CA12: variants seen among roughly 807,000 people sequenced by gnomAD.
CA12 encodes carbonic anhydrase 12, also known as carbonate dehydratase XII.
Under a neutral mutation model 46.8 loss-of-function variants are expected in CA12, and 36 were observed. The observed-to-expected ratio is 0.77, with a 90% confidence interval of 0.59 to 1.02. The LOEUF (loss-of-function observed/expected upper bound fraction) is 1.02, where lower values mean the gene tolerates loss of function less well. Among genes scored for constraint, CA12 ranks in the 50% least tolerant of loss-of-function variants. CA12 has a pLI of 0.00. For missense variants in CA12, 436 were observed against 451.4 expected, an observed-to-expected ratio of 0.97 and a Z score of 0.31; for synonymous variants, 202 against 187.0, an observed-to-expected ratio of 1.08 and a Z score of -0.65.
Position 63,327,988 on chromosome 15 carries a change from A to T in CA12, c.907+110T>A. ...TAAGACCCATAGCAAGGAGAGGGCC[A>T]GGAGCCAGAGCAATAGTACAGAGAA... On this transcript the variant is annotated intron_variant, in intron 9 of 10. Coordinates refer to ENST00000178638, the MANE Select transcript of CA12 (RefSeq NM_001218.5). This position sits in a 1 kb window ranked among gnomAD's most constrained non-coding sequence, Gnocchi z 4.5. 2 of 1,029,274 alleles carry T rather than the reference A, an allele frequency of 1.9e-6. No homozygotes were observed. Among genetic ancestry groups the T allele is most frequent in the Non-Finnish European group, 3.1e-6 (2 of 655,434 alleles). The allele number at this position is 1,029,274 out of a possible 1,614,324, so 63.8% of individuals were successfully genotyped here.
intron 2 of CA12, among the ~76,000 whole-genome samples, chr15:63,366,339 C>A (rs944154178): frequency 6.6e-6 from 1 of 152,144 alleles, no homozygotes; most frequent in African/African-American, 2.4e-5. Flanking sequence ...CCCTCCATCC[C>A]CTGCCCTTTG....
chr15:63,364,776 A>G (rs1317413890), intron 2 of CA12, among the ~76,000 whole-genome samples: 5 of 152,186 alleles, frequency 3.3e-5, no homozygotes, highest in Admixed American at 1.3e-4. Flanking sequence ...GGTCCTGTCC[A>G]GTGCTAATCA....
chr15:63,360,561 T>C (rs947455681), intron 2 of CA12, among the ~76,000 whole-genome samples: 2 of 152,218 alleles, frequency 1.3e-5, no homozygotes, highest in African/African-American at 4.8e-5. Flanking sequence ...ATTAGGCTAC[T>C]GAGTCTCTAA....
At chr15:63,338,568 C>G (rs1004975669) in intron 8 of CA12, among the ~76,000 whole-genome samples, 1 of 152,144 alleles carries the variant, frequency 6.6e-6, no homozygotes, top group Non-Finnish European at 1.5e-5. Context: ...TGCAAGACTC[C>G]CAGGCTTAAA....
At chr15:63,351,808 C>T (rs2039236143) in intron 2 of CA12, among the ~76,000 whole-genome samples, 1 of 152,196 alleles carries the variant, frequency 6.6e-6, no homozygotes, top group Non-Finnish European at 1.5e-5. Flanking sequence ...GCCTGCCTCA[C>T]CTGTGACTGT....
At chr15:63,362,617 T>G (rs1776355096) in intron 2 of CA12, among the ~76,000 whole-genome samples, 1 of 152,178 alleles carries the variant, frequency 6.6e-6, no homozygotes, top group Non-Finnish European at 1.5e-5. Context: ...GACAGAAACT[T>G]CCTGAAGTTC....
chr15:63,347,438 C>G (rs572732326), intron 2 of CA12, among the ~76,000 whole-genome samples: 2 of 152,158 alleles, frequency 1.3e-5, no homozygotes, highest in Non-Finnish European at 2.9e-5. Flanking sequence ...GGCCTGGAAT[C>G]ACAGAGTGAA....
At position 63,355,528 on chromosome 15, in the gene CA12, G is replaced by A. The variant is rs1031519283; in HGVS notation, c.107-8819C>T. Reference sequence around the variant, plus strand: ...CTGCCGTTGGACAAGGCTGCCAGGCGATGCTGCTGCGGGCTGAGGCTGAGA... The same window carrying A: ...CTGCCGTTGGACAAGGCTGCCAGGCAATGCTGCTGCGGGCTGAGGCTGAGA... On this transcript the variant is annotated intron_variant, in intron 2 of 10. Transcript: ENST00000178638. The surrounding 1 kb of genome is among the most constrained non-coding windows in gnomAD (Gnocchi z 4.1). Among the ~76,000 whole-genome samples, 4 of 152,222 alleles carry A rather than the reference G, an allele frequency of 2.6e-5. No homozygotes were observed. Among genetic ancestry groups the A allele is most frequent in the Admixed American group, 1.3e-4 (2 of 15,290 alleles).
At chr15:63,375,941 C>T (rs1420278027) in intron 1 of CA12, among the ~76,000 whole-genome samples, 2 of 151,884 alleles carry the variant, frequency 1.3e-5, no homozygotes, top group Non-Finnish European at 2.9e-5. Flanking sequence ...TCCTGAGTAG[C>T]TGGGATTACA....
Position 63,375,486 on chromosome 15 carries a change from C to T in CA12, c.106+172G>A, listed in dbSNP as rs116639516. On this transcript the variant is annotated intron_variant, in intron 2 of 10. Coordinates refer to ENST00000178638, the MANE Select transcript of CA12 (RefSeq NM_001218.5). ...CTTGGAGAAAGTGCAGTATGCAACC[C>T]AAGTTGAAGTGTTCTTAGGAGATGC... 3,431 of 574,880 alleles carry T rather than the reference C, an allele frequency of 6.0e-3. 94 individuals are homozygous for T. The African/African-American group carries it at 0.06, about 10-fold the overall frequency. The allele number at this position is 574,880 out of a possible 1,614,324, so 35.6% of individuals were successfully genotyped here.
chr15:63,376,557 CCTTTCTTTCTTTCTTT>C (rs66768055), intron 1 of CA12, among the ~76,000 whole-genome samples: 2 of 104,526 alleles, frequency 1.9e-5, no homozygotes, highest in African/African-American at 7.2e-5. Context: ...CTCTTTCTTT[CCTTTCTTTCTTTCTTT>C]CTTTCTTTCT....
chr15:63,367,506 T>C (rs993029933), intron 2 of CA12, among the ~76,000 whole-genome samples: 2 of 152,148 alleles, frequency 1.3e-5, no homozygotes, highest in African/African-American at 4.8e-5. Flanking sequence ...CATAAGGAAA[T>C]CTCACTGTCA....
rs1464136855 is a variant in CA12, at chr15:63,381,840, G to A, written c.-120C>T. 1 of 578,740 alleles carries A rather than the reference G, an allele frequency of 1.7e-6. No homozygotes were observed. The highest frequency in any genetic ancestry group is 3.5e-5 in the East Asian group (1 of 28,758). 35.9% of individuals were successfully genotyped at this position (578,740 alleles called of 1,614,324 possible). A position where few individuals can be genotyped will look rare whatever the true frequency, so the allele number is the denominator to read the frequency against. On this transcript the variant is annotated 5_prime_UTR_variant, in exon 1 of 11. Coordinates refer to ENST00000178638, the MANE Select transcript of CA12 (RefSeq NM_001218.5). ...CCTGGGTGCCGTGGCGAGTACGTCCGCCCTTCGCTCTCCTGGCTTCCCCGG... is the reference window on the plus strand; with the variant it reads ...CCTGGGTGCCGTGGCGAGTACGTCCACCCTTCGCTCTCCTGGCTTCCCCGG...
At chr15:63,346,419 CTCCTCCTGGATGCTTCCACGGAACACCT>C in intron 3 of CA12, 83 bp downstream of exon 3, 2 of 789,176 alleles carry the variant, frequency 2.5e-6, no homozygotes, top group Non-Finnish European at 4.3e-6. Context: ...CGCCCCACCC[CTCCTCCTGGATGCTTCCACGGAACACCT>C]CCCTGCCAGA....
In CA12 at chr15:63,323,803, T is replaced by C. The variant is rs1260073479; in HGVS notation, c.*2482A>G. ...CACATGCTAGAAACAGATACAGAGT[T>C]TTTTGTTGTTTTTTAACTATTTTAC... On this transcript the variant is annotated 3_prime_UTR_variant, in exon 11 of 11. Transcript: ENST00000178638. This position sits in a 1 kb window ranked among gnomAD's most constrained non-coding sequence, Gnocchi z 5.1. 6.6e-6 allele frequency: 1 copy of C among 152,224 alleles called. No homozygotes were observed. The highest frequency in any genetic ancestry group is 1.5e-5 in the Non-Finnish European group (1 of 68,028). The allele number at this position is 152,224 out of a possible 1,614,324, so 9.4% of individuals were successfully genotyped here.
intron 8 of CA12, among the ~76,000 whole-genome samples, chr15:63,333,487 GT>G: frequency 6.6e-6 from 1 of 152,336 alleles, no homozygotes; most frequent in East Asian, 1.9e-4. Context: ...GCTCCTGACT[GT>G]TCGGCCTCTG....
chr15:63,378,994 A>G lies in CA12; in HGVS notation c.85+2642T>C, dbSNP rs2039611004. On this transcript the variant is annotated intron_variant, in intron 1 of 10. Coordinates refer to ENST00000178638, the MANE Select transcript of CA12 (RefSeq NM_001218.5). This position sits in a 1 kb window ranked among gnomAD's most constrained non-coding sequence, Gnocchi z 4.8. ...GCTACCCTCCCAGGGCTCGCTAATCAAGGTTTTCCCTGTTGTTGGAGTTCT... is the reference window on the plus strand; with the variant it reads ...GCTACCCTCCCAGGGCTCGCTAATCGAGGTTTTCCCTGTTGTTGGAGTTCT... 6.6e-6 allele frequency: 1 copy of G among 152,230 alleles called. No individual in the cohort carries two copies. The highest frequency in any genetic ancestry group is 2.1e-4 in the South Asian group (1 of 4,830). 9.4% of individuals were successfully genotyped at this position (152,230 alleles called of 1,614,324 possible).
In CA12 at chr15:63,375,638, T is replaced by G. The variant is rs1190606798; in HGVS notation, c.106+20A>C. 2 of 1,478,394 alleles carry G rather than the reference T, an allele frequency of 1.4e-6. No individual in the cohort carries two copies. Among genetic ancestry groups the G allele is most frequent in the South Asian group, 2.3e-5 (2 of 86,274 alleles). The allele number at this position is 1,478,394 out of a possible 1,614,324, so 91.6% of individuals were successfully genotyped here. On this transcript the variant is annotated intron_variant, in intron 2 of 10. Transcript: ENST00000178638. ...TTCTATTTTCTTTTCAACAAAAAAG[T>G]ATTTAAAATCTCTACTTACCAAAAT...
rs1038723758 is a variant in CA12, at chr15:63,327,759, G to A, written c.907+339C>T. On this transcript the variant is annotated intron_variant, in intron 9 of 10. Transcript: ENST00000178638. This position sits in a 1 kb window ranked among gnomAD's most constrained non-coding sequence, Gnocchi z 4.5. ...AGTCCTAAGCAGTCCCAGATGACCA[G>A]TAGTCCATTGCCAAGGTCATGCGGC... 2.0e-5 allele frequency among the ~76,000 whole-genome samples: 3 copies of A among 152,182 alleles called. No homozygotes were observed. The highest frequency in any genetic ancestry group is 4.4e-5 in the Non-Finnish European group (3 of 68,030).
Sources: allele counts gnomAD v4.1 joint callset (sites outside exome capture counted in the v4.1 genomes callset), GRCh38; gene constraint gnomAD v4.1.1; non-coding constraint Gnocchi (gnomAD v3.1); transcripts MANE v1.5; gene names NCBI Gene and HGNC (gene_info 2026-07-23, HGNC 2026-07-21).